Variants in LINGO2 observed in about 807,000 individuals in gnomAD.
The protein encoded by LINGO2 is leucine-rich repeat and immunoglobulin-like domain-containing nogo receptor-interacting protein 2.
A neutral mutation model predicts 30.6 loss-of-function variants in LINGO2; 14 were observed. The observed-to-expected ratio is 0.46, with a 90% CI of 0.30 to 0.72. The LOEUF is 0.72. Among genes scored for constraint, LINGO2 ranks in the 30% least tolerant of loss-of-function variants. The pLI, the probability that LINGO2 is intolerant of heterozygous loss-of-function variation, is 0.07. For synonymous variants in LINGO2, 317 were observed against 288.5 expected (o/e 1.10, Z -1.00); for missense variants, 729 against 751.7 (o/e 0.97, Z 0.35).
intron 3 of LINGO2, among the ~76,000 whole-genome samples, chr9:28,311,950 A>G (rs1824639647): frequency 6.6e-6 from 1 of 152,168 alleles, no homozygotes; most frequent in Non-Finnish European, 1.5e-5. Flanking sequence ...AAGAAATTAT[A>G]AAAGTATTAA....
At chr9:28,884,837 GTATA>G in the LINGO2 span, among the ~76,000 whole-genome samples, 1 of 134,854 alleles carries the variant, frequency 7.4e-6, no homozygotes, top group Non-Finnish European at 1.6e-5. Flanking sequence ...TTTAGCAATT[GTATA>G]TATATACATA....
chr9:28,093,320 G>A (rs1164800237), intron 4 of LINGO2, among the ~76,000 whole-genome samples: 1 of 152,076 alleles, frequency 6.6e-6, no homozygotes, highest in Admixed American at 6.6e-5. Context: ...AAGAGCATTA[G>A]TGGCAATCTC....
chr9:28,249,445 T>A (rs540798811), intron 4 of LINGO2, among the ~76,000 whole-genome samples: 5 of 152,264 alleles, frequency 3.3e-5, no homozygotes, highest in Admixed American at 3.3e-4. Flanking sequence ...GGTAAGTGAT[T>A]GGCAACAAGA....
intron 5 of LINGO2, among the ~76,000 whole-genome samples, chr9:27,978,423 C>T (rs926306795): frequency 1.3e-5 from 2 of 151,956 alleles, no homozygotes; most frequent in South Asian, 2.1e-4. Flanking sequence ...GGAGATAGAA[C>T]CTTCGAGAAG....
At chr9:28,882,033 C>A in the LINGO2 span, among the ~76,000 whole-genome samples, 1 of 152,152 alleles carries the variant, frequency 6.6e-6, no homozygotes, top group African/African-American at 2.4e-5. Flanking sequence ...AAGCACACAG[C>A]GGACCACTGT....
the LINGO2 span, among the ~76,000 whole-genome samples, chr9:28,814,822 T>C: frequency 1.3e-5 from 2 of 151,280 alleles, no homozygotes; most frequent in Non-Finnish European, 3.0e-5. Context: ...GACACACACA[T>C]CATTTTGGGT....
chr9:28,076,629 C>CAT (rs1298715605), intron 4 of LINGO2, among the ~76,000 whole-genome samples: 1 of 151,874 alleles, frequency 6.6e-6, no homozygotes, highest in Non-Finnish European at 1.5e-5. Context: ...ACTTCTGAAA[C>CAT]ATTCTCTAGG....
chr9:29,068,700 C>T, the LINGO2 span, among the ~76,000 whole-genome samples: 4 of 151,726 alleles, frequency 2.6e-5, no homozygotes, highest in Non-Finnish European at 4.4e-5. Flanking sequence ...TTCAAATGTA[C>T]GATTCAAATT....
intron 2 of LINGO2, among the ~76,000 whole-genome samples, chr9:28,458,261 A>T (rs1415663858): frequency 1.3e-5 from 2 of 152,192 alleles, no homozygotes; most frequent in African/African-American, 2.4e-5. Context: ...CTAATGAAGG[A>T]TGATTTCTGC....
At chr9:28,316,505 A>C (rs1179901910) in intron 3 of LINGO2, among the ~76,000 whole-genome samples, 1 of 152,170 alleles carries the variant, frequency 6.6e-6, no homozygotes, top group African/African-American at 2.4e-5. Flanking sequence ...AATCTGGAAA[A>C]GTACATAGCT....
In LINGO2 at chr9:28,148,420, G is replaced by C. The variant is rs1169125824; in HGVS notation, c.-86-136015C>G. The C allele has an allele frequency of 7.6e-7, 1 of 1,318,654 alleles. No individual in the cohort carries two copies. 81.7% of individuals were successfully genotyped at this position (1,318,654 alleles called of 1,614,324 possible). On this transcript the variant is annotated intron_variant, in intron 4 of 5. Transcript: ENST00000379992. This position sits in a 1 kb window ranked among gnomAD's most constrained non-coding sequence, Gnocchi z 5.1. ...TAGATGAGCAGGTGATCCCAGCCAG[G>C]CTCCCGAAGATGGAGGTGAGGGCAG...
intron 4 of LINGO2, among the ~76,000 whole-genome samples, chr9:28,232,307 G>A (rs1480229575): frequency 6.6e-6 from 1 of 150,822 alleles, no homozygotes; most frequent in East Asian, 2.0e-4. Context: ...GCTGAGGCTG[G>A]AGAATTGCTT....
chr9:28,235,740 C>A (rs1415893398), intron 4 of LINGO2, among the ~76,000 whole-genome samples: 1 of 151,980 alleles, frequency 6.6e-6, no homozygotes, highest in Middle Eastern at 3.2e-3. Context: ...AATGATCAAG[C>A]AGAAAGAATT....
At chr9:28,741,670 T>A in the LINGO2 span, among the ~76,000 whole-genome samples, 1 of 151,822 alleles carries the variant, frequency 6.6e-6, no homozygotes, top group Non-Finnish European at 1.5e-5. Context: ...AGCTATAGGA[T>A]CCCACTTGGT....
intron 5 of LINGO2, among the ~76,000 whole-genome samples, chr9:27,999,750 G>A (rs1027849647): frequency 1.3e-5 from 2 of 152,074 alleles, no homozygotes; most frequent in African/African-American, 4.8e-5. Flanking sequence ...CTATAGATTA[G>A]GAGAGAGGTA....
the LINGO2 span, among the ~76,000 whole-genome samples, chr9:28,908,342 T>C: frequency 6.6e-6 from 1 of 151,852 alleles, no homozygotes; most frequent in Non-Finnish European, 1.5e-5. Context: ...TTTTATTTTA[T>C]TGTAGTGGAA....
chr9:28,291,607 A>C (rs1321639558), intron 4 of LINGO2, among the ~76,000 whole-genome samples: 1 of 152,218 alleles, frequency 6.6e-6, no homozygotes, highest in Non-Finnish European at 1.5e-5. Context: ...GCTTAACTGC[A>C]GGAGAAAGGA....
At chr9:28,897,263 G>C in the LINGO2 span, among the ~76,000 whole-genome samples, 1 of 152,160 alleles carries the variant, frequency 6.6e-6, no homozygotes, top group Admixed American at 6.5e-5. Context: ...GGAGATTAGA[G>C]AGAGCAGGCA....
chr9:28,348,262 A>G (rs1377431110), intron 3 of LINGO2, among the ~76,000 whole-genome samples: 1 of 152,152 alleles, frequency 6.6e-6, no homozygotes, highest in African/African-American at 2.4e-5. Flanking sequence ...AGGGAGTGCC[A>G]GACAGTGGGC....
Sources: gnomAD v4.1 joint callset for allele counts (sites outside exome capture counted in the v4.1 genomes callset) on GRCh38, gnomAD v4.1.1 for gene constraint, Gnocchi (gnomAD v3.1) non-coding constraint, MANE v1.5 for transcripts, NCBI Gene and HGNC (gene_info 2026-07-23, HGNC 2026-07-21) for gene names.